The following PREX1 variants were observed in gnomAD, a reference collection of about 807,000 sequenced individuals.
PREX1 encodes the protein phosphatidylinositol 3,4,5-trisphosphate-dependent Rac exchanger 1 protein.
A neutral mutation model predicts 198.3 loss-of-function variants in PREX1; 41 were observed. The ratio of observed to expected loss-of-function variants is 0.21; its 90% CI spans 0.16 to 0.27. The LOEUF (loss-of-function observed/expected upper bound fraction) is 0.27. Ranked by LOEUF, PREX1 falls within the 10% of genes least tolerant of loss-of-function variation. The probability of loss-of-function intolerance (pLI) is 1.00; values close to 1 mark genes in which losing one functional copy is unlikely to be tolerated. For missense variants in PREX1, 1,620 were observed against 2,200.7 expected (o/e 0.74, Z 5.28); for synonymous variants, 843 against 887.2 (o/e 0.95, Z 0.89).
chr20:48,649,206 C>G (rs1601042961), intron 25 of PREX1, 94 bp downstream of exon 25: 43 of 1,507,534 alleles, frequency 2.9e-5, no homozygotes, highest in East Asian at 4.6e-5. Context: ...GCCCACCCCC[C>G]ACTACAAAGA....
At position 48,636,241 on chromosome 20, in the gene PREX1, C is replaced by T. The variant is rs1321669691; in HGVS notation, c.4167+222G>A. On this transcript the variant is annotated intron_variant, in intron 32 of 39. Coordinates refer to ENST00000371941, the MANE Select transcript of PREX1 (RefSeq NM_020820.4). ...TATCTGTGTGTGTGTGCCTCCCTCCCTCCCACTGGGACAGAAGATCCCTGG... is the reference window on the plus strand; with the variant it reads ...TATCTGTGTGTGTGTGCCTCCCTCCTTCCCACTGGGACAGAAGATCCCTGG... Among the ~76,000 whole-genome samples the T allele has an allele frequency of 2.0e-5, 3 of 152,404 alleles. No individual in the cohort carries two copies. The East Asian group carries it at 5.8e-4, about 29-fold the overall frequency.
At chr20:48,726,875 A>G (rs1396519346) in intron 4 of PREX1, among the ~76,000 whole-genome samples, 1 of 152,240 alleles carries the variant, frequency 6.6e-6, no homozygotes, top group Non-Finnish European at 1.5e-5. Context: ...TTTTTGTTTC[A>G]GTCTGTTTGC....
At chr20:48,710,904 G>T (rs7273568) in intron 5 of PREX1, among the ~76,000 whole-genome samples, 39,852 of 152,156 alleles carry the variant, frequency 0.26, 6,603 homozygotes, top group African/African-American at 0.47. Flanking sequence ...GAGCGAGAGG[G>T]ATGGACCACA....
chr20:48,850,801 A>C, the PREX1 span, among the ~76,000 whole-genome samples: 1 of 151,824 alleles, frequency 6.6e-6, no homozygotes, highest in Non-Finnish European at 1.5e-5. Flanking sequence ...GCACCTGCCA[A>C]CCTCCCTGCC....
chr20:48,857,833 C>T, the PREX1 span, among the ~76,000 whole-genome samples: 26 of 152,144 alleles, frequency 1.7e-4, no homozygotes, highest in Non-Finnish European at 3.4e-4. Context: ...AGTGAAGGGT[C>T]CCGGGGGAGT....
intron 33 of PREX1, among the ~76,000 whole-genome samples, chr20:48,633,973 C>T (rs73324995): frequency 0.021 from 3,185 of 151,600 alleles, 113 homozygotes; most frequent in African/African-American, 0.074. Context: ...GATGGATGGA[C>T]GGATGGATGA....
chr20:48,756,948 C>T (rs573182265), intron 1 of PREX1, among the ~76,000 whole-genome samples: 8 of 152,088 alleles, frequency 5.3e-5, no homozygotes, highest in Non-Finnish European at 8.8e-5. Flanking sequence ...TAGGGGAACT[C>T]CCCTTTATAA....
At chr20:48,754,906 C>A (rs982571860) in intron 1 of PREX1, among the ~76,000 whole-genome samples, 4 of 152,158 alleles carry the variant, frequency 2.6e-5, no homozygotes, top group South Asian at 2.1e-4. Context: ...CCGCCCCACA[C>A]AGCCCAGAGT....
the PREX1 span, among the ~76,000 whole-genome samples, chr20:48,849,609 A>G: frequency 2.0e-5 from 3 of 152,346 alleles, no homozygotes; most frequent in East Asian, 1.9e-4. Flanking sequence ...GCTTCACTCT[A>G]TAAATATAAC....
In PREX1 at chr20:48,655,238, C is replaced by G. The variant is rs115410470; in HGVS notation, c.2209+52G>C. On this transcript the variant is annotated intron_variant, in intron 19 of 39. Transcript: ENST00000371941. ...AGGCTCTGAACTCCTGCCACACAGA[C>G]AGATCCACCATCTTCTGCACCTTTC... The G allele has an allele frequency of 2.9e-5, 43 of 1,461,526 alleles. No individual in the cohort carries two copies. The African/African-American group carries it at 5.6e-4, about 19-fold the overall frequency. 90.5% of individuals were successfully genotyped at this position (1,461,526 alleles called of 1,614,324 possible). A position where few individuals can be genotyped will look rare whatever the true frequency, so the allele number is the denominator to read the frequency against.
At chr20:48,726,444 A>G (rs2090010622) in intron 4 of PREX1, 53 bp from the exon 5 acceptor site, 1 of 1,315,094 alleles carries the variant, frequency 7.6e-7, no homozygotes, top group Admixed American at 1.9e-5. Flanking sequence ...GCACAGGGAC[A>G]TAGCCACCCT....
chr20:48,677,102 T>C (rs1012263343), intron 13 of PREX1, among the ~76,000 whole-genome samples: 2 of 152,208 alleles, frequency 1.3e-5, no homozygotes, highest in African/African-American at 2.4e-5. Context: ...TTGGAGGATT[T>C]CTCTCAGGCT....
the PREX1 span, among the ~76,000 whole-genome samples, chr20:48,865,742 C>G: frequency 6.7e-6 from 1 of 150,000 alleles, no homozygotes; most frequent in Non-Finnish European, 1.5e-5. Context: ...TAAATAAAGT[C>G]ATCTACACAA....
rs1044478478 is a variant in PREX1 at position 48,625,138 on chromosome 20, T to C, written c.*747A>G. The C allele has an allele frequency of 6.6e-6, 1 of 152,642 alleles. No homozygotes were observed. The highest frequency in any genetic ancestry group is 2.4e-5 in the African/African-American group (1 of 41,446). The allele number at this position is 152,642 out of a possible 1,614,324, so 9.5% of individuals were successfully genotyped here. On this transcript the variant is annotated 3_prime_UTR_variant, in exon 40 of 40. Coordinates refer to ENST00000371941, the MANE Select transcript of PREX1 (RefSeq NM_020820.4). Reference sequence around the variant, plus strand: ...CCCTGTTAGACAACATACCTTTCTTTGAAATGTAAAATGTCAAATATATAA... The same window carrying C: ...CCCTGTTAGACAACATACCTTTCTTCGAAATGTAAAATGTCAAATATATAA...
chr20:48,839,806 G>A, the PREX1 span, among the ~76,000 whole-genome samples: 25 of 152,240 alleles, frequency 1.6e-4, no homozygotes, highest in African/African-American at 5.8e-4. Context: ...CCTTATAGCT[G>A]ATAGGGATGA....
At chr20:48,685,182 T>C (rs757668011) in intron 10 of PREX1, among the ~76,000 whole-genome samples, 2 of 152,216 alleles carry the variant, frequency 1.3e-5, no homozygotes, top group Non-Finnish European at 2.9e-5. Flanking sequence ...GACTGGCACA[T>C]AGCAGGGACT....
intron 36 of PREX1, among the ~76,000 whole-genome samples, chr20:48,630,420 A>G (rs1346131146): frequency 6.6e-6 from 1 of 152,236 alleles, no homozygotes; most frequent in Non-Finnish European, 1.5e-5. Context: ...CATAAACAAA[A>G]AGAATACCAT....
chr20:48,877,289 GA>G, the PREX1 span, among the ~76,000 whole-genome samples: 163 of 151,060 alleles, frequency 1.1e-3, no homozygotes, highest in African/African-American at 3.7e-3. Flanking sequence ...AAAAAAGAAA[GA>G]AAAAAAAGTA....
chr20:48,639,988 G>C (rs1039706975), intron 29 of PREX1, 94 bp from the exon 30 acceptor site: 1 of 1,473,180 alleles, frequency 6.8e-7, no homozygotes, highest in Non-Finnish European at 9.3e-7. Context: ...ACAGATCCCA[G>C]AGCTCATAAT....
Sources: allele counts gnomAD v4.1 joint callset (sites outside exome capture counted in the v4.1 genomes callset), GRCh38; gene constraint gnomAD v4.1.1; transcripts MANE v1.5; gene names NCBI Gene and HGNC (gene_info 2026-07-23, HGNC 2026-07-21).